Variants in FSTL5 observed in about 807,000 individuals in gnomAD.
FSTL5 encodes follistatin like 5, also known as follistatin-related protein 5.
A neutral mutation model predicts 89.1 loss-of-function variants in FSTL5; 62 were observed. That is an observed-to-expected ratio of 0.70 (90% confidence interval 0.57 to 0.86). The LOEUF (loss-of-function observed/expected upper bound fraction) is 0.86. Ranked by LOEUF, FSTL5 falls within the 40% of genes least tolerant of loss-of-function variation. The pLI, the probability that FSTL5 is intolerant of heterozygous loss-of-function variation, is 0.00. For synonymous variants in FSTL5, 383 were observed against 346.2 expected, an observed-to-expected ratio of 1.11 and a Z score of -1.18; for missense variants, 1,057 against 1,001.6, an observed-to-expected ratio of 1.06 and a Z score of -0.75.
intron 7 of FSTL5, among the ~76,000 whole-genome samples, chr4:161,631,041 C>A (rs1010373216): frequency 2.0e-5 from 3 of 151,982 alleles, no homozygotes; most frequent in Non-Finnish European, 4.4e-5. Flanking sequence ...CATTATATGC[C>A]ATGTTAATTG....
intron 4 of FSTL5, among the ~76,000 whole-genome samples, chr4:161,856,829 C>G (rs1419976685): frequency 6.6e-6 from 1 of 151,936 alleles, no homozygotes; most frequent in Admixed American, 6.6e-5. Flanking sequence ...GTTGAGAAAG[C>G]TGAATGATTA....
intron 1 of FSTL5, among the ~76,000 whole-genome samples, chr4:162,115,887 T>C (rs1731618925): frequency 6.6e-6 from 1 of 152,144 alleles, no homozygotes; most frequent in Non-Finnish European, 1.5e-5. Context: ...GATTTTGATA[T>C]GTTTACATAT....
chr4:161,899,968 A>G (rs1733299035), intron 4 of FSTL5, among the ~76,000 whole-genome samples: 1 of 152,100 alleles, frequency 6.6e-6, no homozygotes, highest in Non-Finnish European at 1.5e-5. Context: ...GTCAAGGCGG[A>G]TGGATCACCT....
Position 161,608,838 on chromosome 4 carries a change from C to T in FSTL5, c.895-21263G>A, listed in dbSNP as rs114206453. On this transcript the variant is annotated intron_variant, in intron 7 of 15. Transcript: ENST00000306100. Reference sequence around the variant, plus strand: ...ACTTTTCTCCTGCAAGTAGGCTCCACCCAAAGTGGTCTCTGTCAAATCTTT... The same window carrying T: ...ACTTTTCTCCTGCAAGTAGGCTCCATCCAAAGTGGTCTCTGTCAAATCTTT... Among the ~76,000 whole-genome samples the T allele has an allele frequency of 3.9e-3, 596 of 152,104 alleles. 2 individuals are homozygous for T. The highest frequency in any genetic ancestry group is 0.013 in the African/African-American group (554 of 41,538).
chr4:162,146,774 T>TCTC (rs1733014078), intron 1 of FSTL5, among the ~76,000 whole-genome samples: 1 of 107,906 alleles, frequency 9.3e-6, no homozygotes, highest in Admixed American at 8.8e-5. Context: ...CTCTCTCTCT[T>TCTC]TCTTTCTTTG....
At chr4:161,462,945 G>T (rs1380175982) in intron 13 of FSTL5, among the ~76,000 whole-genome samples, 1 of 152,120 alleles carries the variant, frequency 6.6e-6, no homozygotes, top group East Asian at 1.9e-4. Context: ...TAAGGACCAC[G>T]CACTACAAAA....
intron 1 of FSTL5, among the ~76,000 whole-genome samples, chr4:162,129,973 A>T (rs2111455253): frequency 6.6e-6 from 1 of 152,366 alleles, no homozygotes; most frequent in South Asian, 2.1e-4. Context: ...TCCTAGGAAG[A>T]CAACACAGTG....
chr4:162,104,214 C>G (rs532670108), intron 2 of FSTL5, among the ~76,000 whole-genome samples: 1 of 152,178 alleles, frequency 6.6e-6, no homozygotes, highest in African/African-American at 2.4e-5. Context: ...TGTTCCTGCA[C>G]GGCTAAGTGC....
At chr4:161,602,217 C>G (rs1300903336) in intron 7 of FSTL5, among the ~76,000 whole-genome samples, 7 of 143,258 alleles carry the variant, frequency 4.9e-5, no homozygotes, top group South Asian at 2.2e-4. Flanking sequence ...CATGCACACA[C>G]AGAGAGAGAG....
At chr4:161,593,039 C>T (rs542251282) in intron 7 of FSTL5, among the ~76,000 whole-genome samples, 10 of 152,032 alleles carry the variant, frequency 6.6e-5, no homozygotes, top group African/African-American at 2.4e-4. Flanking sequence ...TTTTTTGTTC[C>T]TTGCCCTTTC....
In FSTL5 at chr4:161,821,787, G is replaced by GTA. The variant is rs570277030; in HGVS notation, c.410-45715_410-45714dup. On this transcript the variant is annotated intron_variant, in intron 4 of 15. Coordinates refer to ENST00000306100, the MANE Select transcript of FSTL5 (RefSeq NM_020116.5). ...CTGCATGGTATTCCATGGTGTGTGT[G>GTA]TATATATATATATGAATACCACAAT... Among the ~76,000 whole-genome samples the GTA allele has an allele frequency of 4.9e-3, 747 of 151,570 alleles. 6 individuals are homozygous for GTA. The highest frequency in any genetic ancestry group is 0.016 in the African/African-American group (667 of 41,346).
chr4:161,876,241 C>G (rs1049940643), intron 4 of FSTL5, among the ~76,000 whole-genome samples: 1 of 152,056 alleles, frequency 6.6e-6, no homozygotes, highest in Non-Finnish European at 1.5e-5. Context: ...TTTAGGAAAC[C>G]TTTATCACTC....
chr4:161,581,082 A>G (rs941352218), intron 8 of FSTL5, among the ~76,000 whole-genome samples: 8 of 152,318 alleles, frequency 5.3e-5, no homozygotes, highest in Middle Eastern at 3.4e-3. Flanking sequence ...AATTAAAAGA[A>G]TAAAGAGTTG....
chr4:161,834,102 C>G (rs1032484478), intron 4 of FSTL5, among the ~76,000 whole-genome samples: 1 of 152,122 alleles, frequency 6.6e-6, no homozygotes, highest in Admixed American at 6.6e-5. Context: ...AGCTTATCCA[C>G]CATGATCAAG....
chr4:161,385,937 G>T lies in FSTL5; in HGVS notation c.2354C>A (p.Pro785Gln). 6.2e-7 allele frequency: 1 copy of T among 1,613,860 alleles called. No individual in the cohort carries two copies. The highest frequency in any genetic ancestry group is 1.1e-5 in the South Asian group (1 of 91,070). ...CCAAGGCCATTCTTCTGCCTTGAGT[G>T]GTTCCTTGAGACTCTTTATCATCTT... ...KVKMIKSLKE[P>Q]LKAEEWPWNR... Residue 785 changes from proline to glutamine, a missense_variant, in exon 16 of 16, where the codon CCA becomes CAA. Pro to Gln is a moderately conservative substitution (Grantham distance 76). Transcript: ENST00000306100.
At chr4:161,844,810 G>T (rs7692062) in intron 4 of FSTL5, among the ~76,000 whole-genome samples, 114,062 of 151,888 alleles carry the variant, frequency 0.75, 43,053 homozygotes, top group East Asian at 0.82. Context: ...GAAGGATAGC[G>T]TTAGGAGAAA....
intron 4 of FSTL5, among the ~76,000 whole-genome samples, chr4:161,881,022 A>C (rs1286367962): frequency 6.6e-6 from 1 of 151,970 alleles, no homozygotes; most frequent in African/African-American, 2.4e-5. Context: ...GGTGCGATAA[A>C]GGTAAATTTT....
intron 4 of FSTL5, among the ~76,000 whole-genome samples, chr4:161,893,475 T>C (rs1733051975): frequency 6.6e-6 from 1 of 152,154 alleles, no homozygotes; most frequent in South Asian, 2.1e-4. Flanking sequence ...TTCTCATCAA[T>C]ATAAACTAAA....
chr4:161,620,203 G>A (rs565764540), intron 7 of FSTL5, among the ~76,000 whole-genome samples: 1 of 109,304 alleles, frequency 9.1e-6, no homozygotes, highest in African/African-American at 3.5e-5. Context: ...GTGGGGGGAG[G>A]GGGGAGGGAT....
Sources: gnomAD v4.1 joint callset for allele counts (sites outside exome capture counted in the v4.1 genomes callset) on GRCh38, gnomAD v4.1.1 for gene constraint, MANE v1.5 for transcripts, NCBI Gene and HGNC (gene_info 2026-07-23, HGNC 2026-07-21) for gene names.